Variants in SIPA1L3 observed in about 807,000 individuals in gnomAD.
The protein encoded by SIPA1L3 is signal-induced proliferation-associated 1-like protein 3.
In SIPA1L3, 59 loss-of-function variants were observed where a neutral mutation model predicts 150.1. The observed-to-expected ratio is 0.39, with a 90% CI of 0.32 to 0.49. The LOEUF is 0.49. SIPA1L3 is among the 20% of genes least tolerant of loss of function. The pLI, the probability that SIPA1L3 is intolerant of heterozygous loss-of-function variation, is 0.86. For missense variants in SIPA1L3, 2,211 were observed against 2,489.5 expected (o/e 0.89, Z 2.38); for synonymous variants, 1,070 against 1,077.6 (o/e 0.99, Z 0.14).
At chr19:38,064,468 G>A (rs1052208257) in intron 2 of SIPA1L3, among the ~76,000 whole-genome samples, 3 of 152,206 alleles carry the variant, frequency 2.0e-5, no homozygotes, top group Non-Finnish European at 2.9e-5. Flanking sequence ...AGGCCGAGGC[G>A]GGCAGATCAC....
intron 1 of SIPA1L3, among the ~76,000 whole-genome samples, chr19:37,918,818 C>T (rs1185299157): frequency 6.6e-6 from 1 of 151,644 alleles, no homozygotes; most frequent in African/African-American, 2.4e-5. Context: ...TTGCAGTGAG[C>T]CAAGATCACA....
At chr19:37,920,008 C>T (rs1207144959) in intron 1 of SIPA1L3, among the ~76,000 whole-genome samples, 12 of 145,968 alleles carry the variant, frequency 8.2e-5, no homozygotes, top group Admixed American at 8.2e-4. Context: ...CTGTGCCTGG[C>T]TGGGCCCTGA....
intron 3 of SIPA1L3, among the ~76,000 whole-genome samples, chr19:38,084,710 G>C (rs1323671473): frequency 2.1e-5 from 3 of 145,082 alleles, no homozygotes; most frequent in Non-Finnish European, 4.5e-5. Flanking sequence ...CGCGATCTCA[G>C]CTCACTGCAG....
At chr19:37,912,166 G>A (rs982956154) in intron 1 of SIPA1L3, among the ~76,000 whole-genome samples, 1 of 152,076 alleles carries the variant, frequency 6.6e-6, no homozygotes, top group African/African-American at 2.4e-5. Context: ...GAACCAGGGA[G>A]GTGGAGGGTG....
intron 1 of SIPA1L3, among the ~76,000 whole-genome samples, chr19:37,939,690 C>T (rs1214785231): frequency 6.6e-6 from 1 of 152,228 alleles, no homozygotes; most frequent in Admixed American, 6.5e-5. Context: ...AGTCTGCTTA[C>T]ACCTTTGCCC....
chr19:38,130,165 C>G (rs775862574), intron 9 of SIPA1L3, among the ~76,000 whole-genome samples: 3 of 152,202 alleles, frequency 2.0e-5, no homozygotes, highest in African/African-American at 4.8e-5. Context: ...TCCCAGGGCC[C>G]CACCCAACCA....
intron 8 of SIPA1L3, 95 bp from the exon 9 acceptor site, chr19:38,119,211 A>G: frequency 4.8e-6 from 6 of 1,255,812 alleles, no homozygotes; most frequent in Non-Finnish European, 6.7e-6. Context: ...ACAAACAAAC[A>G]AAAAACCCTA....
At position 38,193,789 on chromosome 19, in the gene SIPA1L3, G is replaced by C. The variant is rs778521850; in HGVS notation, c.4840+9G>C. ...CTTTCCCGAGAAGAAATGTGAGCCT[G>C]GGCCCCCTGGGACTGGCGCGGTAGT... On this transcript the variant is annotated intron_variant, in intron 18 of 21. Transcript: ENST00000222345. The C allele has an allele frequency of 1.3e-6, 2 of 1,542,828 alleles. No homozygotes were observed. Among genetic ancestry groups the C allele is most frequent in the Non-Finnish European group, 1.7e-6 (2 of 1,162,800 alleles).
Position 38,061,821 on chromosome 19 carries a change from G to C in SIPA1L3, c.-310-19435G>C, listed in dbSNP as rs117410054. Among the ~76,000 whole-genome samples the C allele has an allele frequency of 9.8e-3, 1,477 of 150,768 alleles. 8 individuals carry two copies. Among genetic ancestry groups the C allele is most frequent in the Non-Finnish European group, 0.016 (1,078 of 67,752 alleles). The stretch of plus-strand genomic sequence containing the variant: ...GGGTAATGGATTAGTTAACTGGTCG[G>C]TTGGTTATCTAGTTGGCTGGCTAAT... On this transcript the variant is annotated intron_variant, in intron 2 of 21. Transcript: ENST00000222345.
In SIPA1L3 at chr19:38,079,200, G is replaced by T. The variant is rs1012122649; in HGVS notation, c.-310-2056G>T. 6.9e-4 allele frequency among the ~76,000 whole-genome samples: 105 copies of T among 152,176 alleles called. 6 individuals carry two copies. The highest frequency in any genetic ancestry group is 5.1e-4 in the Non-Finnish European group (35 of 68,032). On this transcript the variant is annotated intron_variant, in intron 2 of 21. Transcript: ENST00000222345. ...ACAAAAAAATTAGCCAGGTATGGTG[G>T]CAGGCACCTGTAGTCCCAGCTACTC...
At chr19:38,000,896 A>ATATATATATAACATATATATATATGT (rs1307751470) in intron 1 of SIPA1L3, among the ~76,000 whole-genome samples, 262 of 19,570 alleles carry the variant, frequency 0.013, 2 homozygotes, top group African/African-American at 0.077. Context: ...TATATATGTT[A>ATATATATATAACATATATATATATGT]TATATATATA....
intron 1 of SIPA1L3, among the ~76,000 whole-genome samples, chr19:37,995,239 A>AT (rs1967608139): frequency 6.6e-6 from 1 of 152,160 alleles, no homozygotes; most frequent in Non-Finnish European, 1.5e-5. Context: ...GTACCGTGAG[A>AT]GACAGCAAGA....
intron 2 of SIPA1L3, among the ~76,000 whole-genome samples, chr19:38,044,992 T>C (rs1332585909): frequency 2.0e-5 from 3 of 152,256 alleles, no homozygotes; most frequent in African/African-American, 7.2e-5. Flanking sequence ...ATCATCAGTG[T>C]TTGATAGGCT....
chr19:38,067,990 G>A (rs1969633880), intron 2 of SIPA1L3, among the ~76,000 whole-genome samples: 1 of 151,536 alleles, frequency 6.6e-6, no homozygotes, highest in Non-Finnish European at 1.5e-5. Flanking sequence ...TCCCAGTAAG[G>A]TTGGGGAAGA....
At chr19:38,069,342 A>G (rs1969663673) in intron 2 of SIPA1L3, among the ~76,000 whole-genome samples, 1 of 152,154 alleles carries the variant, frequency 6.6e-6, no homozygotes, top group Non-Finnish European at 1.5e-5. Flanking sequence ...AACTGCCACC[A>G]TACGTGACTC....
At chr19:38,068,581 A>C (rs1969649029) in intron 2 of SIPA1L3, among the ~76,000 whole-genome samples, 1 of 152,128 alleles carries the variant, frequency 6.6e-6, no homozygotes, top group Non-Finnish European at 1.5e-5. Flanking sequence ...CCTACTTGGC[A>C]GGGCATGGTG....
At chr19:37,958,567 G>T (rs531077327) in intron 1 of SIPA1L3, among the ~76,000 whole-genome samples, 1 of 152,126 alleles carries the variant, frequency 6.6e-6, no homozygotes, top group Non-Finnish European at 1.5e-5. Flanking sequence ...ATTCTTAGAA[G>T]AAAACATAAG....
chr19:37,914,547 G>A (rs1473169206), intron 1 of SIPA1L3, among the ~76,000 whole-genome samples: 1 of 151,340 alleles, frequency 6.6e-6, no homozygotes, highest in Non-Finnish European at 1.5e-5. Context: ...TTTTTTTTTG[G>A]TACTTTTAAT....
At chr19:38,050,014 G>T (rs1004890938) in intron 2 of SIPA1L3, among the ~76,000 whole-genome samples, 27 of 152,176 alleles carry the variant, frequency 1.8e-4, no homozygotes, top group African/African-American at 6.0e-4. Context: ...GGTGACCTGC[G>T]TTTGAATCCT....
Sources: allele counts gnomAD v4.1 joint callset (sites outside exome capture counted in the v4.1 genomes callset), GRCh38; gene constraint gnomAD v4.1.1; transcripts MANE v1.5; gene names NCBI Gene and HGNC (gene_info 2026-07-23, HGNC 2026-07-21).